The following SYNE2 variants were observed in gnomAD, a reference collection of about 807,000 sequenced individuals.
The protein encoded by SYNE2 is nesprin-2.
SYNE2 carries 431 observed loss-of-function variants against 856.3 expected under a neutral mutation model. That is an observed-to-expected ratio of 0.50 (90% CI 0.47 to 0.55). The LOEUF is 0.55. SYNE2 is among the 20% of genes least tolerant of loss of function. The probability of loss-of-function intolerance (pLI) is 0.00; values close to 1 mark genes in which losing one functional copy is unlikely to be tolerated. For synonymous variants in SYNE2, 2,923 were observed against 2,872.3 expected (o/e 1.02, Z -0.56); for missense variants, 8,129 against 8,023.2 (o/e 1.01, Z -0.50).
rs1253093769 is a variant in SYNE2 at position 63,853,096 on chromosome 14, AC to A, written c.-97del. 6.6e-6 allele frequency: 1 copy of A among 150,996 alleles called. No individual in the cohort carries two copies. The highest frequency in any genetic ancestry group is 1.5e-5 in the Non-Finnish European group (1 of 67,808). 9.4% of individuals were successfully genotyped at this position (150,996 alleles called of 1,614,324 possible). The stretch of plus-strand genomic sequence containing the variant: ...AGAGAGCCAGGCAAGCGGGGCGCCG[AC>A]CTCGGGCGGCCCCGGCCCGCGCCCT... On this transcript the variant is annotated 5_prime_UTR_variant, in exon 1 of 116. Coordinates refer to ENST00000555002, the MANE Select transcript of SYNE2 (RefSeq NM_182914.3).
upstream of SYNE2, among the ~76,000 whole-genome samples, chr14:63,761,665 T>C (rs1460509999): frequency 6.6e-6 from 1 of 152,218 alleles, no homozygotes; most frequent in East Asian, 1.9e-4. Flanking sequence ...TATGACCTGC[T>C]TCAGAGAAAG....
chr14:63,980,831 T>C, intron 15 of SYNE2, 99 bp downstream of exon 15: 1 of 1,110,960 alleles, frequency 9.0e-7, no homozygotes, highest in Non-Finnish European at 1.3e-6. Flanking sequence ...ATTAGTTTTA[T>C]GTGCATGTTT....
At position 64,218,508 on chromosome 14, in the gene SYNE2, G is replaced by C. The variant is rs762848054; in HGVS notation, c.19653G>C (p.Gln6551His). 46 of 1,613,666 alleles carry C rather than the reference G, an allele frequency of 2.9e-5. No individual in the cohort carries two copies. Among genetic ancestry groups the C allele is most frequent in the Non-Finnish European group, 3.2e-5 (38 of 1,179,986 alleles). ...DGGLAGITEQ[Q>H]SGAFDRWEMI... ...GACTGGCCGGTATCACAGAGCAGCAGTCAGGTACTGCCTGTAACTGGCAGT... is the reference window on the plus strand; with the variant it reads ...GACTGGCCGGTATCACAGAGCAGCACTCAGGTACTGCCTGTAACTGGCAGT... The change falls in exon 109 of 116, where the codon CAG becomes CAC. Residue 6551 changes from glutamine to histidine, a missense_variant. Around this residue, in one of 3 missense-constraint regions of SYNE2, gnomAD observed 5,410 missense variants for 5,284.8 expected, o/e 1.02. Coordinates refer to ENST00000555002, the MANE Select transcript of SYNE2 (RefSeq NM_182914.3).
In SYNE2 at chr14:64,113,707, A is replaced by G. The variant is rs555519579; in HGVS notation, c.12840+136A>G. ...TACATTTATCTTGGCCTCAGCTTTT[A>G]GTTCTCAGGGTAATTCTTTGAAATG... On this transcript the variant is annotated intron_variant, in intron 66 of 115. Coordinates refer to ENST00000555002, the MANE Select transcript of SYNE2 (RefSeq NM_182914.3). 1,015 of 962,536 alleles carry G rather than the reference A, an allele frequency of 1.1e-3. 1 individual carries two copies. The highest frequency in any genetic ancestry group is 1.5e-3 in the Non-Finnish European group (914 of 626,212). 59.6% of individuals were successfully genotyped at this position (962,536 alleles called of 1,614,324 possible). A position where few individuals can be genotyped will look rare whatever the true frequency, so the allele number is the denominator to read the frequency against.
chr14:64,053,583 A>C lies in SYNE2; in HGVS notation c.9670A>C (p.Ser3224Arg), dbSNP rs545062561. The change falls in exon 48 of 116, where the codon AGT (serine) becomes CGT (arginine). Residue 3224 changes from serine to arginine, a missense_variant. Transcript: ENST00000555002. ...KQREENSSEA[S>R]DVETKLREFE... ...AAGAGAAGAAAACTCTTCTGAAGCG[A>C]GTGATGTGGAGACAAAACTACGTGA... 6.2e-7 allele frequency: 1 copy of C among 1,614,020 alleles called. No homozygotes were observed. Among genetic ancestry groups the C allele is most frequent in the Admixed American group, 1.7e-5 (1 of 59,978 alleles).
At chr14:63,996,553 AT>A (rs2096715415) in intron 23 of SYNE2, among the ~76,000 whole-genome samples, 1 of 151,518 alleles carries the variant, frequency 6.6e-6, no homozygotes, top group African/African-American at 2.4e-5. Context: ...GCTTTTCATT[AT>A]CTTCGTGCTT....
chr14:64,019,910 T>G (rs2096923852), intron 34 of SYNE2, 82 bp from the exon 35 acceptor site: 2 of 922,884 alleles, frequency 2.2e-6, no homozygotes, highest in Non-Finnish European at 3.5e-6. Context: ...TCAGTTTCTA[T>G]ATATAAACAG....
chr14:64,031,120 T>C lies in SYNE2; in HGVS notation c.6984T>C (p.Ile2328=). ...QNTSSVGQKI[I]KDDIKSLQCK... ...CATCTTCAGTGGGGCAGAAGATTAT[T>C]AAAGATGATATAAAATCACTTCAGT... The change falls in exon 45 of 116, where the codon ATT becomes ATC. Residue 2328 remains isoleucine, a synonymous_variant. Transcript: ENST00000555002. 6.2e-7 allele frequency: 1 copy of C among 1,614,110 alleles called. No homozygotes were observed. The highest frequency in any genetic ancestry group is 2.2e-5 in the East Asian group (1 of 44,876).
chr14:63,926,071 T>C (rs1311149029), intron 2 of SYNE2, among the ~76,000 whole-genome samples: 10 of 152,252 alleles, frequency 6.6e-5, no homozygotes, highest in African/African-American at 2.4e-4. Context: ...CTTGAACTCC[T>C]GAGCTCAAGC....
chr14:64,082,371 T>C (rs2097531127), intron 57 of SYNE2, among the ~76,000 whole-genome samples: 2 of 150,238 alleles, frequency 1.3e-5, no homozygotes, highest in Non-Finnish European at 2.9e-5. Flanking sequence ...AGTATAATAC[T>C]TACATTCCAA....
At chr14:63,994,043 T>A (rs2096691670) in intron 22 of SYNE2, 74 bp downstream of exon 22, 11 of 1,502,432 alleles carry the variant, frequency 7.3e-6, no homozygotes, top group Non-Finnish European at 8.3e-6. Flanking sequence ...TCAGAGCCAT[T>A]CCTGGGGTTT....
In SYNE2 at chr14:64,017,693, A is replaced by G; in HGVS notation, c.4986A>G (p.Thr1662=). The G allele has an allele frequency of 1.2e-6, 2 of 1,613,824 alleles. No individual in the cohort carries two copies. Among genetic ancestry groups the G allele is most frequent in the Middle Eastern group, 3.3e-4 (2 of 6,054 alleles). ...TAAAAAATGTCATTGATGAGTGGAC[A>G]GAAAAGGCCCTTCAAAAAATGGAAT... The part of the protein sequence containing the change: ...FNLKNVIDEW[T]EKALQKMELH... The change falls in exon 34 of 116, where the codon ACA becomes ACG. Residue 1662 remains threonine, a synonymous_variant. Coordinates refer to ENST00000555002, the MANE Select transcript of SYNE2 (RefSeq NM_182914.3).
At chr14:64,205,536 T>C (rs1162667865) in intron 100 of SYNE2, among the ~76,000 whole-genome samples, 1 of 152,224 alleles carries the variant, frequency 6.6e-6, no homozygotes, top group African/African-American at 2.4e-5. Flanking sequence ...TCACCTAGTA[T>C]TGCCTTCTGC....
At chr14:64,129,724 A>G (rs1307513805) in intron 74 of SYNE2, 58 bp from the exon 75 acceptor site, 8 of 1,610,254 alleles carry the variant, frequency 5.0e-6, no homozygotes, top group East Asian at 4.5e-5. Context: ...TTAGATAACT[A>G]TGTGTACTTC....
At chr14:63,882,165 G>A (rs1161928732) in intron 1 of SYNE2, among the ~76,000 whole-genome samples, 2 of 152,076 alleles carry the variant, frequency 1.3e-5, no homozygotes, top group Non-Finnish European at 2.9e-5. Context: ...ATGGGAACAC[G>A]GAAAGGGGGA....
rs1269157473 is a variant in SYNE2 at position 64,225,760 on chromosome 14, A to T, written c.*234A>T. On this transcript the variant is annotated 3_prime_UTR_variant, in exon 116 of 116. Coordinates refer to ENST00000555002, the MANE Select transcript of SYNE2 (RefSeq NM_182914.3). ...GTGCCCCGGGTATTTTGGCAGAACT[A>T]GTTGATTAGTTTAGGGATCTCTGGA... The T allele has an allele frequency of 1.2e-5, 7 of 603,586 alleles. No homozygotes were observed. Among genetic ancestry groups the T allele is most frequent in the Non-Finnish European group, 3.0e-6 (1 of 337,584 alleles). The allele number at this position is 603,586 out of a possible 1,614,324, so 37.4% of individuals were successfully genotyped here.
Position 64,027,447 on chromosome 14 carries a change from A to C in SYNE2, c.6405-37A>C, listed in dbSNP as rs776527054. The C allele has an allele frequency of 2.8e-6, 4 of 1,409,030 alleles. No individual in the cohort carries two copies. In the African/African-American group the frequency reaches 5.8e-5, roughly 21 times the overall value. 87.3% of individuals were successfully genotyped at this position (1,409,030 alleles called of 1,614,324 possible). A position where few individuals can be genotyped will look rare whatever the true frequency, so the allele number is the denominator to read the frequency against. Reference sequence around the variant, plus strand: ...GCAAAATGCTAGTCCATTTTGCTAAATATCATTTAATTTATAAAATATTTT... The same window carrying C: ...GCAAAATGCTAGTCCATTTTGCTAACTATCATTTAATTTATAAAATATTTT... On this transcript the variant is annotated intron_variant, in intron 42 of 115. Coordinates refer to ENST00000555002, the MANE Select transcript of SYNE2 (RefSeq NM_182914.3).
At chr14:63,851,978 G>C (rs1273413332), upstream of SYNE2, among the ~76,000 whole-genome samples, 4 of 3,222 alleles carry the variant, frequency 1.2e-3, no homozygotes, top group African/African-American at 2.7e-3. Flanking sequence ...TACTAAGCGG[G>C]GGGGGGGGGG....
Position 64,078,587 on chromosome 14 carries a change from A to G in SYNE2, c.11144A>G (p.Lys3715Arg). Residue 3715 changes from lysine to arginine, a missense_variant, in exon 55 of 116, where the codon AAA becomes AGA. This residue lies in a region of SYNE2 where 5,410 missense variants were observed against 5,284.8 expected (regional missense o/e 1.02). Coordinates refer to ENST00000555002, the MANE Select transcript of SYNE2 (RefSeq NM_182914.3). ...CAGCAGAAAAGCAAAAATATTGAGA[A>G]AGCTCAAGAAATTCAAAAGGTAAAA... The part of the protein sequence containing the change: ...MLQQKSKNIE[K>R]AQEIQKKMWD... 1.9e-6 allele frequency: 3 copies of G among 1,614,102 alleles called. No individual in the cohort carries two copies. The highest frequency in any genetic ancestry group is 2.5e-6 in the Non-Finnish European group (3 of 1,179,980).
Sources: gnomAD v4.1 joint callset for allele counts (sites outside exome capture counted in the v4.1 genomes callset) on GRCh38, gnomAD v4.1.1 for gene constraint, gnomAD v4.1.1 regional missense constraint, MANE v1.5 for transcripts, NCBI Gene and HGNC (gene_info 2026-07-23, HGNC 2026-07-21) for gene names.